Variants in CTNNA1 observed in about 807,000 individuals in gnomAD.
The protein encoded by CTNNA1 is catenin alpha 1.
In CTNNA1, 37 loss-of-function variants were observed where a neutral mutation model predicts 98.4. The ratio of observed to expected loss-of-function variants is 0.38; its 90% CI spans 0.29 to 0.49. The LOEUF is 0.49. CTNNA1 is among the 20% of genes least tolerant of loss of function. The probability of loss-of-function intolerance (pLI) is 0.95; values close to 1 mark genes in which losing one functional copy is unlikely to be tolerated. For synonymous variants in CTNNA1, 404 were observed against 413.2 expected (o/e 0.98, Z 0.27); for missense variants, 761 against 1,147.2 (o/e 0.66, Z 4.86).
chr5:138,925,244 C>T lies in CTNNA1; in HGVS notation c.1748-12C>T. On this transcript the variant is annotated splice_polypyrimidine_tract_variant and intron_variant, in intron 12 of 17. Coordinates refer to ENST00000302763, the MANE Select transcript of CTNNA1 (RefSeq NM_001903.5). ...GCTGACCAGGGTATCTACTGTGCCT[C>T]TTTCTCCACAGTCATGCCACGTTTT... The T allele has an allele frequency of 1.2e-6, 2 of 1,612,942 alleles. No individual in the cohort carries two copies. Among genetic ancestry groups the T allele is most frequent in the Non-Finnish European group, 1.7e-6 (2 of 1,179,570 alleles).
chr5:138,925,136 G>T, intron 12 of CTNNA1, 120 bp from the exon 13 acceptor site: 1 of 1,058,360 alleles, frequency 9.4e-7, no homozygotes, highest in Non-Finnish European at 1.4e-6. Context: ...CTTCACACAG[G>T]TAGAAGCAGA....
rs986004185 is a variant in CTNNA1 at position 138,781,841 on chromosome 5, G to A, written c.-2-82G>A. ...TGAATATAGCTTTCCTGATGCAAAA[G>A]TCCCAAAGTAGGAGAAGATTTGTTA... On this transcript the variant is annotated intron_variant, in intron 1 of 17. Coordinates refer to ENST00000302763, the MANE Select transcript of CTNNA1 (RefSeq NM_001903.5). 6.0e-6 allele frequency: 8 copies of A among 1,327,302 alleles called. No individual in the cohort carries two copies. In the African/African-American group the frequency reaches 1.0e-4, roughly 17 times the overall value. The allele number at this position is 1,327,302 out of a possible 1,614,324, so 82.2% of individuals were successfully genotyped here. A position where few individuals can be genotyped will look rare whatever the true frequency, so the allele number is the denominator to read the frequency against.
At chr5:138,867,192 A>G (rs1764868485) in intron 7 of CTNNA1, among the ~76,000 whole-genome samples, 1 of 152,190 alleles carries the variant, frequency 6.6e-6, no homozygotes, top group Non-Finnish European at 1.5e-5. Flanking sequence ...GATGAGTTTG[A>G]CAATAGAATT....
intron 7 of CTNNA1, among the ~76,000 whole-genome samples, chr5:138,858,676 A>G (rs188659200): frequency 2.8e-5 from 4 of 143,128 alleles, no homozygotes; most frequent in Non-Finnish European, 6.0e-5. Context: ...GCTCACTGCA[A>G]CCTCCGCCTC....
chr5:138,900,169 T>G (rs906086838), intron 9 of CTNNA1, among the ~76,000 whole-genome samples: 1 of 152,210 alleles, frequency 6.6e-6, no homozygotes, highest in Non-Finnish European at 1.5e-5. Flanking sequence ...GTTTTTGATT[T>G]TATTGTTATT....
At chr5:138,766,105 A>C (rs1752912773) in intron 1 of CTNNA1, among the ~76,000 whole-genome samples, 2 of 152,064 alleles carry the variant, frequency 1.3e-5, no homozygotes, top group South Asian at 4.2e-4. Flanking sequence ...TGATCAAAAA[A>C]CTCGAAAGAG....
chr5:138,772,560 A>G lies in CTNNA1; in HGVS notation c.-2-9363A>G, dbSNP rs148665639. 9.0e-3 allele frequency among the ~76,000 whole-genome samples: 1,374 copies of G among 152,330 alleles called. 14 individuals carry two copies. The highest frequency in any genetic ancestry group is 0.014 in the Middle Eastern group (4 of 294). On this transcript the variant is annotated intron_variant, in intron 1 of 17. Coordinates refer to ENST00000302763, the MANE Select transcript of CTNNA1 (RefSeq NM_001903.5). ...TCTTGGGAGGCTTGTAAATATTTGC[A>G]AATTATGTTGCATAAATTCAGCTCA... is the stretch of plus-strand genomic sequence containing the variant.
chr5:138,761,874 G>A (rs1216146066), intron 1 of CTNNA1: 1 of 152,202 alleles, frequency 6.6e-6, no homozygotes, highest in Non-Finnish European at 1.5e-5. Context: ...CCTCACCGCA[G>A]CCTCCTATGG....
chr5:138,872,572 A>G (rs1192011183), intron 7 of CTNNA1: 1 of 153,530 alleles, frequency 6.5e-6, no homozygotes, highest in East Asian at 1.9e-4. Flanking sequence ...AGAGAACTTT[A>G]CTAAGTCTCC....
intron 16 of CTNNA1, chr5:138,932,333 CT>C: frequency 3.8e-6 from 5 of 1,319,026 alleles, no homozygotes; most frequent in Non-Finnish European, 4.8e-6. Flanking sequence ...AAGGCCTTGG[CT>C]ATACAACCAG....
chr5:138,796,334 A>G (rs1426787728), intron 3 of CTNNA1, among the ~76,000 whole-genome samples: 1 of 152,200 alleles, frequency 6.6e-6, no homozygotes, highest in Non-Finnish European at 1.5e-5. Flanking sequence ...AGGCAGGCGG[A>G]TAATGAGGTC....
intron 7 of CTNNA1, among the ~76,000 whole-genome samples, chr5:138,867,887 G>A (rs1764948414): frequency 6.6e-6 from 1 of 152,098 alleles, no homozygotes; most frequent in South Asian, 2.1e-4. Context: ...GAGTAGCTGG[G>A]ATTACAGGCG....
At chr5:138,927,131 G>A (rs1318870501) in intron 13 of CTNNA1, among the ~76,000 whole-genome samples, 2 of 152,158 alleles carry the variant, frequency 1.3e-5, no homozygotes, top group African/African-American at 2.4e-5. Flanking sequence ...GTGCCACTCA[G>A]CTGGTTCCCT....
At chr5:138,851,707 C>T (rs888279200) in intron 7 of CTNNA1, among the ~76,000 whole-genome samples, 1 of 151,964 alleles carries the variant, frequency 6.6e-6, no homozygotes, top group Non-Finnish European at 1.5e-5. Context: ...TGCAGTGAGC[C>T]GAGATTGCGC....
rs1282814844 is a variant in CTNNA1 at position 138,792,473 on chromosome 5, G to A, written c.301+9101G>A. Reference sequence around the variant, plus strand: ...AGATGTTAAAAGACAGCTGTGATTAGGACAAAGCACGTATCAGTGACTGTT... The same window carrying A: ...AGATGTTAAAAGACAGCTGTGATTAAGACAAAGCACGTATCAGTGACTGTT... On this transcript the variant is annotated intron_variant, in intron 3 of 17. Coordinates refer to ENST00000302763, the MANE Select transcript of CTNNA1 (RefSeq NM_001903.5). Among the ~76,000 whole-genome samples the A allele has an allele frequency of 4.6e-5, 7 of 152,312 alleles. No individual in the cohort carries two copies. In the South Asian group the frequency reaches 1.5e-3, roughly 32 times the overall value.
chr5:138,850,713 G>C (rs1200026968), intron 7 of CTNNA1, among the ~76,000 whole-genome samples: 1 of 152,090 alleles, frequency 6.6e-6, no homozygotes, highest in African/African-American at 2.4e-5. Context: ...GACTCCTGTG[G>C]TCTTTAGCTC....
At chr5:138,823,061 C>T (rs188891414) in intron 5 of CTNNA1, among the ~76,000 whole-genome samples, 148 of 152,294 alleles carry the variant, frequency 9.7e-4, no homozygotes, top group African/African-American at 3.2e-3. Context: ...TAGTTAATGA[C>T]ATTAACATTG....
intron 3 of CTNNA1, among the ~76,000 whole-genome samples, chr5:138,790,154 G>A (rs1756195875): frequency 6.6e-6 from 1 of 152,210 alleles, no homozygotes; most frequent in African/African-American, 2.4e-5. Flanking sequence ...TGTGCAGGAA[G>A]GGACTGCTAT....
intron 7 of CTNNA1, among the ~76,000 whole-genome samples, chr5:138,852,198 A>C (rs1462446573): frequency 1.3e-5 from 2 of 152,190 alleles, no homozygotes; most frequent in Non-Finnish European, 2.9e-5. Context: ...TAAGTACTTG[A>C]GTAATAGGGG....
Sources: allele counts gnomAD v4.1 joint callset (sites outside exome capture counted in the v4.1 genomes callset), GRCh38; gene constraint gnomAD v4.1.1; transcripts MANE v1.5; gene names NCBI Gene and HGNC (gene_info 2026-07-23, HGNC 2026-07-21).